DENND1A: variants seen among roughly 807,000 people sequenced by gnomAD.
DENND1A encodes DENN domain-containing protein 1A.
A neutral mutation model predicts 113.7 loss-of-function variants in DENND1A; 51 were observed. The ratio of observed to expected loss-of-function variants is 0.45; its 90% CI spans 0.36 to 0.57. DENND1A has a LOEUF of 0.57. Ranked by LOEUF, DENND1A falls within the 20% of genes least tolerant of loss-of-function variation. The probability of loss-of-function intolerance (pLI) is 0.00; values close to 1 mark genes in which losing one functional copy is unlikely to be tolerated. For missense variants in DENND1A, 1,258 were observed against 1,395.9 expected (o/e 0.90, Z 1.57); for synonymous variants, 565 against 570.8 (o/e 0.99, Z 0.14).
rs530657887 is a variant in DENND1A at position 123,403,802 on chromosome 9, G to A, written c.1543-312C>T. Among the ~76,000 whole-genome samples the A allele has an allele frequency of 8.2e-4, 125 of 152,312 alleles. 1 individual carries two copies. Among genetic ancestry groups the A allele is most frequent in the Non-Finnish European group, 1.2e-3 (84 of 68,028 alleles). ...TGTGGTGAGGGTCCAATGAGATGAT[G>A]TCTACATAGGACCCGGAACAAAGAG... On this transcript the variant is annotated intron_variant, in intron 20 of 23. Coordinates refer to ENST00000394215, the MANE Select transcript of DENND1A (RefSeq NM_001352964.2).
intron 21 of DENND1A, among the ~76,000 whole-genome samples, chr9:123,394,960 G>C (rs190032936): frequency 6.6e-6 from 1 of 152,260 alleles, no homozygotes; most frequent in South Asian, 2.1e-4. Context: ...ATCCTGGACT[G>C]AGGGTACGTC....
chr9:123,551,558 T>C (rs1207540003), intron 13 of DENND1A, among the ~76,000 whole-genome samples: 1 of 152,130 alleles, frequency 6.6e-6, no homozygotes, highest in African/African-American at 2.4e-5. Flanking sequence ...CTTCGCTCCA[T>C]CCCCTGTGTG....
At chr9:123,707,317 C>G (rs1189513337) in intron 5 of DENND1A, among the ~76,000 whole-genome samples, 2 of 151,890 alleles carry the variant, frequency 1.3e-5, no homozygotes, top group East Asian at 1.9e-4. Context: ...TCACTTGAAC[C>G]TGGGAGGCGG....
At chr9:123,916,462 T>C (rs1228535573) in intron 1 of DENND1A, among the ~76,000 whole-genome samples, 1 of 148,540 alleles carries the variant, frequency 6.7e-6, no homozygotes. Context: ...AACCTCTGCC[T>C]CTCAGGTTCA....
chr9:123,614,760 G>A lies in DENND1A; in HGVS notation c.720-5279C>T, dbSNP rs576615432. On this transcript the variant is annotated intron_variant, in intron 10 of 23. Coordinates refer to ENST00000394215, the MANE Select transcript of DENND1A (RefSeq NM_001352964.2). Reference sequence around the variant, plus strand: ...TCACTGTTTACACATAGGTATCCACGTTACAATATACACATCACAGTGTCA... The same window carrying A: ...TCACTGTTTACACATAGGTATCCACATTACAATATACACATCACAGTGTCA... Among the ~76,000 whole-genome samples, 8 of 152,290 alleles carry A rather than the reference G, an allele frequency of 5.3e-5. No homozygotes were observed. The East Asian group carries it at 5.8e-4, about 11-fold the overall frequency.
intron 12 of DENND1A, among the ~76,000 whole-genome samples, chr9:123,561,587 T>C (rs2057758951): frequency 1.3e-5 from 2 of 152,182 alleles, no homozygotes; most frequent in Admixed American, 6.5e-5. Flanking sequence ...TATCTAAAGC[T>C]GAACTTGCCC....
chr9:123,798,015 A>T (rs76664135), intron 2 of DENND1A, among the ~76,000 whole-genome samples: 15,011 of 152,112 alleles, frequency 0.099, 926 homozygotes, highest in Admixed American at 0.13. Flanking sequence ...TTTGTTATTT[A>T]AAAAAAATCT....
intron 11 of DENND1A, among the ~76,000 whole-genome samples, chr9:123,592,365 G>A (rs1427888479): frequency 6.6e-6 from 1 of 152,102 alleles, no homozygotes; most frequent in African/African-American, 2.4e-5. Context: ...TGCATTCTCT[G>A]GAGCCAGACT....
intron 5 of DENND1A, among the ~76,000 whole-genome samples, chr9:123,755,411 T>C (rs1387460026): frequency 1.3e-5 from 2 of 151,984 alleles, no homozygotes; most frequent in African/African-American, 4.8e-5. Context: ...CCCAAACTGC[T>C]AGGATTACAG....
intron 10 of DENND1A, among the ~76,000 whole-genome samples, chr9:123,625,252 G>A (rs566484691): frequency 1.3e-5 from 2 of 152,194 alleles, no homozygotes; most frequent in Non-Finnish European, 2.9e-5. Flanking sequence ...GGGGTTAATA[G>A]TATCTGCCTT....
chr9:123,883,212 G>C (rs1848562891), intron 1 of DENND1A, among the ~76,000 whole-genome samples: 1 of 152,142 alleles, frequency 6.6e-6, no homozygotes, highest in African/African-American at 2.4e-5. Flanking sequence ...CCATAATCTT[G>C]GTTTACAGTC....
chr9:123,408,662 C>T (rs1399267384), intron 20 of DENND1A, among the ~76,000 whole-genome samples: 1 of 152,164 alleles, frequency 6.6e-6, no homozygotes, highest in East Asian at 1.9e-4. Flanking sequence ...CCCAGGAGGT[C>T]CAGCCAAAGC....
At chr9:123,916,743 A>T (rs1028632682) in intron 1 of DENND1A, among the ~76,000 whole-genome samples, 15 of 152,188 alleles carry the variant, frequency 9.9e-5, no homozygotes, top group African/African-American at 3.6e-4. Flanking sequence ...CAGGGAAGGA[A>T]CACGGTGGTA....
intron 1 of DENND1A, chr9:123,928,592 T>C: frequency 1.0e-6 from 1 of 985,432 alleles, no homozygotes; most frequent in Non-Finnish European, 1.2e-6. Flanking sequence ...CCATTTTCAT[T>C]ACCATAAGCA....
At chr9:123,824,469 G>A (rs1838993962) in intron 2 of DENND1A, among the ~76,000 whole-genome samples, 1 of 151,968 alleles carries the variant, frequency 6.6e-6, no homozygotes, top group African/African-American at 2.4e-5. Context: ...GTACCTGCTG[G>A]TAAATCAATT....
intron 16 of DENND1A, among the ~76,000 whole-genome samples, chr9:123,452,864 T>C (rs2047838275): frequency 1.3e-5 from 2 of 152,142 alleles, no homozygotes; most frequent in African/African-American, 4.8e-5. Context: ...TTCTGTGGTG[T>C]TTTTTTAAAT....
chr9:123,795,216 C>T (rs1297312102), intron 2 of DENND1A, among the ~76,000 whole-genome samples: 1 of 152,168 alleles, frequency 6.6e-6, no homozygotes, highest in African/African-American at 2.4e-5. Context: ...AAGTTCCATT[C>T]AATTAGCTCA....
At chr9:123,518,617 A>C (rs2134895099) in intron 13 of DENND1A, among the ~76,000 whole-genome samples, 1 of 152,290 alleles carries the variant, frequency 6.6e-6, no homozygotes, top group Middle Eastern at 3.4e-3. Context: ...ATGACTGTCT[A>C]GGCATACAGA....
chr9:123,551,146 C>T (rs2057019775), intron 13 of DENND1A, among the ~76,000 whole-genome samples: 1 of 152,216 alleles, frequency 6.6e-6, no homozygotes, highest in Non-Finnish European at 1.5e-5. Flanking sequence ...TGTTAAATAT[C>T]TTGGGCTTTG....
Sources: allele counts gnomAD v4.1 joint callset (sites outside exome capture counted in the v4.1 genomes callset), GRCh38; gene constraint gnomAD v4.1.1; transcripts MANE v1.5; gene names NCBI Gene and HGNC (gene_info 2026-07-23, HGNC 2026-07-21).